The following CSMD1 variants were observed in gnomAD, a reference collection of about 807,000 sequenced individuals.
CSMD1 encodes CUB and Sushi multiple domains 1.
In CSMD1, 213 loss-of-function variants were observed where a neutral mutation model predicts 417.5. The ratio of observed to expected loss-of-function variants is 0.51; its 90% CI spans 0.46 to 0.57. CSMD1 has a LOEUF of 0.57. CSMD1 is among the 20% of genes least tolerant of loss of function. The pLI is 0.00. For synonymous variants in CSMD1, 2,862 were observed against 1,736.8 expected, an observed-to-expected ratio of 1.65 and a Z score of -16.11; for missense variants, 6,923 against 4,529.7, an observed-to-expected ratio of 1.53 and a Z score of -15.17.
intron 3 of CSMD1, among the ~76,000 whole-genome samples, chr8:4,290,349 T>C (rs1483155825): frequency 6.6e-6 from 1 of 152,192 alleles, no homozygotes; most frequent in Non-Finnish European, 1.5e-5. Flanking sequence ...TAATGCTCTA[T>C]GACATCTGAA....
At position 4,130,751 on chromosome 8, in the gene CSMD1, T is replaced by C. The variant is rs138899065; in HGVS notation, c.416-98652A>G. 3.8e-3 allele frequency among the ~76,000 whole-genome samples: 574 copies of C among 152,166 alleles called. 2 individuals carry two copies. Among genetic ancestry groups the C allele is most frequent in the African/African-American group, 0.013 (548 of 41,526 alleles). ...TGTCTATCAACTCAAAGGAAGATTT[T>C]GAGGTGGTTAACATTTTTCTTTGTA... On this transcript the variant is annotated intron_variant, in intron 3 of 69. Coordinates refer to ENST00000635120, the MANE Select transcript of CSMD1 (RefSeq NM_033225.6).
At chr8:3,888,603 T>C (rs1806728197) in intron 5 of CSMD1, among the ~76,000 whole-genome samples, 1 of 152,104 alleles carries the variant, frequency 6.6e-6, no homozygotes, top group Admixed American at 6.5e-5. Flanking sequence ...CTGCATAATC[T>C]AACAAGATCT....
At chr8:3,213,226 C>A (rs1008151604) in intron 30 of CSMD1, among the ~76,000 whole-genome samples, 2 of 152,288 alleles carry the variant, frequency 1.3e-5, no homozygotes, top group Middle Eastern at 6.8e-3. Flanking sequence ...ATTTATCAAA[C>A]GAAACTGGTC....
At chr8:4,031,817 T>C in intron 4 of CSMD1, 88 bp downstream of exon 4, 1 of 1,024,584 alleles carries the variant, frequency 9.8e-7, no homozygotes, top group Non-Finnish European at 1.4e-6. Flanking sequence ...TGTATTATTT[T>C]CATTTAAGTG....
chr8:4,147,961 G>A (rs1032733621), intron 3 of CSMD1, among the ~76,000 whole-genome samples: 4 of 152,128 alleles, frequency 2.6e-5, no homozygotes, highest in African/African-American at 7.2e-5. Context: ...ACCCACAGAA[G>A]ATGCACCAAA....
chr8:3,375,425 C>T (rs752263213), intron 18 of CSMD1, among the ~76,000 whole-genome samples: 4 of 152,054 alleles, frequency 2.6e-5, no homozygotes, highest in South Asian at 2.1e-4. Context: ...TCTTGTTCTC[C>T]TGAAACCACA....
rs112028005 is a variant in CSMD1, at chr8:4,444,346, C to CAAAAAAAAAAAAAAAAAAAAAAAA, written c.303-24305_303-24282dup. Among the ~76,000 whole-genome samples, 14 of 46,278 alleles carry CAAAAAAAAAAAAAAAAAAAAAAAA rather than the reference C, an allele frequency of 3.0e-4. 2 individuals carry two copies. The highest frequency in any genetic ancestry group is 5.7e-4 in the African/African-American group (8 of 14,104). 30.4% of individuals were successfully genotyped at this position (46,278 alleles called of 152,430 possible). A position where few individuals can be genotyped will look rare whatever the true frequency, so the allele number is the denominator to read the frequency against. On this transcript the variant is annotated intron_variant, in intron 2 of 69. Coordinates refer to ENST00000635120, the MANE Select transcript of CSMD1 (RefSeq NM_033225.6). ...TGGGCTACAGAGTGAGACTCCATCT[C>CAAAAAAAAAAAAAAAAAAAAAAAA]AAAAAAAAAAAAAAAAAAAAAAAAA...
chr8:3,729,645 G>A lies in CSMD1; in HGVS notation c.932-21154C>T, dbSNP rs139415362. On this transcript the variant is annotated intron_variant, in intron 6 of 69. Transcript: ENST00000635120. ...GGAAAGACGGTGAACTCAACTTAGA[G>A]GAAGCGATGGGGGCTACCAGCGAAG... Among the ~76,000 whole-genome samples the A allele has an allele frequency of 1.3e-4, 20 of 151,602 alleles. No individual in the cohort carries two copies. The East Asian group carries it at 3.7e-3, about 28-fold the overall frequency.
chr8:3,873,825 G>C (rs1254404358), intron 5 of CSMD1, among the ~76,000 whole-genome samples: 2 of 152,162 alleles, frequency 1.3e-5, no homozygotes, highest in Admixed American at 1.3e-4. Context: ...CATGGTCACG[G>C]TGTTTGTAGT....
At chr8:3,461,949 G>A (rs76634037) in intron 12 of CSMD1, among the ~76,000 whole-genome samples, 3,365 of 152,330 alleles carry the variant, frequency 0.022, 63 homozygotes, top group Middle Eastern at 0.075. Flanking sequence ...ATCCTCACAT[G>A]GGCCGGACAG....
chr8:4,628,050 C>T (rs181831086), intron 2 of CSMD1, among the ~76,000 whole-genome samples: 258 of 151,718 alleles, frequency 1.7e-3, no homozygotes, highest in African/African-American at 6.0e-3. Context: ...AAAATCACCC[C>T]CAGTGGAGAA....
At chr8:3,951,465 G>A (rs777907924) in intron 5 of CSMD1, among the ~76,000 whole-genome samples, 52 of 152,230 alleles carry the variant, frequency 3.4e-4, no homozygotes, top group African/African-American at 1.2e-3. Context: ...ATTTTCCTCC[G>A]CTTGTGGGAT....
intron 3 of CSMD1, among the ~76,000 whole-genome samples, chr8:4,289,474 C>G (rs1563396292): frequency 6.6e-6 from 1 of 152,144 alleles, no homozygotes; most frequent in Non-Finnish European, 1.5e-5. Context: ...CAGTAGTAGC[C>G]AGATTTGGAC....
At chr8:4,434,136 G>A (rs570649794) in intron 2 of CSMD1, among the ~76,000 whole-genome samples, 2 of 152,146 alleles carry the variant, frequency 1.3e-5, no homozygotes, top group Non-Finnish European at 2.9e-5. Context: ...TCAGGAGTTT[G>A]AGAACAGCTT....
intron 5 of CSMD1, among the ~76,000 whole-genome samples, chr8:3,827,838 C>T (rs1366819335): frequency 6.6e-6 from 1 of 152,150 alleles, no homozygotes; most frequent in African/African-American, 2.4e-5. Flanking sequence ...CCACTAATAA[C>T]TCACAGTGCA....
At chr8:4,846,855 A>C (rs1031731313) in intron 1 of CSMD1, among the ~76,000 whole-genome samples, 1 of 152,192 alleles carries the variant, frequency 6.6e-6, no homozygotes, top group Non-Finnish European at 1.5e-5. Flanking sequence ...TATATCAACT[A>C]TATCTGTAAA....
intron 23 of CSMD1, among the ~76,000 whole-genome samples, chr8:3,315,875 T>C (rs2117446859): frequency 6.6e-6 from 1 of 152,230 alleles, no homozygotes; most frequent in East Asian, 1.9e-4. Context: ...TGAAACATTT[T>C]ATAATTTTAA....
intron 1 of CSMD1, among the ~76,000 whole-genome samples, chr8:4,845,963 G>C (rs1201681558): frequency 6.6e-6 from 1 of 152,188 alleles, no homozygotes; most frequent in Non-Finnish European, 1.5e-5. Flanking sequence ...AAAGAATAGA[G>C]AATCGGCTAT....
Position 2,974,537 on chromosome 8 carries a change from C to T in CSMD1, c.8654G>A (p.Cys2885Tyr). The change falls in exon 56 of 70, where the codon TGC becomes TAC. Residue 2885 changes from cysteine (C) to tyrosine (Y), a missense_variant. Physicochemically the swap from Cys to Tyr is radical, Grantham distance 194. Coordinates refer to ENST00000635120, the MANE Select transcript of CSMD1 (RefSeq NM_033225.6). ...GCCTATGAGGCTCTCGCTCCCTCTG[C>T]AGGAGTAGTGCACGACGGCGCCATA... is the stretch of plus-strand genomic sequence containing the variant. ...FTYGAVVHYS[C>Y]RGSESLIGND... 6.2e-7 allele frequency: 1 copy of T among 1,613,538 alleles called. No homozygotes were observed. Among genetic ancestry groups the T allele is most frequent in the Non-Finnish European group, 8.5e-7 (1 of 1,179,704 alleles).
Sources: gnomAD v4.1 joint callset for allele counts (sites outside exome capture counted in the v4.1 genomes callset) on GRCh38, gnomAD v4.1.1 for gene constraint, MANE v1.5 for transcripts, NCBI Gene and HGNC (gene_info 2026-07-23, HGNC 2026-07-21) for gene names.